Variants in RBFOX1 observed in about 807,000 individuals in gnomAD.
The protein encoded by RBFOX1 is RNA binding fox-1 homolog 1.
Under a neutral mutation model 57.7 loss-of-function variants are expected in RBFOX1, and 8 were observed. The ratio of observed to expected loss-of-function variants is 0.14; its 90% CI spans 0.08 to 0.25. RBFOX1 has a LOEUF of 0.25. Among genes scored for constraint, RBFOX1 ranks in the 10% least tolerant of loss-of-function variants. The probability of loss-of-function intolerance (pLI) is 1.00; values close to 1 mark genes in which losing one functional copy is unlikely to be tolerated. For synonymous variants in RBFOX1, 326 were observed against 222.4 expected, an observed-to-expected ratio of 1.47 and a Z score of -4.15; for missense variants, 611 against 548.5, an observed-to-expected ratio of 1.11 and a Z score of -1.14.
At chr16:6,465,898 G>GTGTGTGTA (rs1567338816) in intron 2 of RBFOX1, among the ~76,000 whole-genome samples, 1 of 152,016 alleles carries the variant, frequency 6.6e-6, no homozygotes, top group Non-Finnish European at 1.5e-5. Context: ...GTGTGTGTGT[G>GTGTGTGTA]TGTGTTCTTT....
At chr16:5,697,765 C>G (rs2050895672) in intron 3 of RBFOX1, among the ~76,000 whole-genome samples, 1 of 152,068 alleles carries the variant, frequency 6.6e-6, no homozygotes, top group Admixed American at 6.5e-5. Context: ...AACTCCTGTC[C>G]TCATGATCTG....
At chr16:6,094,862 C>G (rs2096224827) in intron 1 of RBFOX1, among the ~76,000 whole-genome samples, 1 of 152,328 alleles carries the variant, frequency 6.6e-6, no homozygotes, top group South Asian at 2.1e-4. Flanking sequence ...AAGTTTGAGA[C>G]CAGCCTGGCC....
At chr16:6,909,896 C>G (rs972270749) in intron 3 of RBFOX1, among the ~76,000 whole-genome samples, 4 of 152,118 alleles carry the variant, frequency 2.6e-5, no homozygotes, top group Non-Finnish European at 4.4e-5. Flanking sequence ...GGTTCCTTTG[C>G]TAATTCTGTT....
At chr16:7,558,701 A>T (rs149537236) in intron 5 of RBFOX1, among the ~76,000 whole-genome samples, 2 of 152,304 alleles carry the variant, frequency 1.3e-5, no homozygotes, top group African/African-American at 4.8e-5. Context: ...CAGCTACCCC[A>T]GGCTGACAAA....
intron 3 of RBFOX1, among the ~76,000 whole-genome samples, chr16:7,013,596 A>G (rs962702392): frequency 6.6e-5 from 10 of 152,218 alleles, no homozygotes; most frequent in African/African-American, 2.2e-4. Flanking sequence ...TCATTGCAAC[A>G]CAACTACTAA....
intron 2 of RBFOX1, among the ~76,000 whole-genome samples, chr16:5,582,572 T>TTTTTTG (rs369563835): frequency 2.8e-5 from 3 of 106,058 alleles, no homozygotes. Flanking sequence ...TTTTTTTTTT[T>TTTTTTG]AAACGGAGTC....
chr16:5,521,341 G>T (rs1018137754), intron 2 of RBFOX1, among the ~76,000 whole-genome samples: 1 of 110,218 alleles, frequency 9.1e-6, no homozygotes, highest in Non-Finnish European at 1.7e-5. Flanking sequence ...AGACTCAGCA[G>T]CTTTTGCTGT....
chr16:6,778,399 C>T (rs1027927828), intron 3 of RBFOX1, among the ~76,000 whole-genome samples: 5 of 152,130 alleles, frequency 3.3e-5, no homozygotes, highest in African/African-American at 4.8e-5. Context: ...GTTTTCTCCA[C>T]ATTCCTGAAT....
chr16:6,172,331 G>T (rs1037921823), intron 1 of RBFOX1, among the ~76,000 whole-genome samples: 1 of 152,166 alleles, frequency 6.6e-6, no homozygotes, highest in African/African-American at 2.4e-5. Flanking sequence ...AGAAGGGAAA[G>T]CAGGAATGAG....
chr16:6,784,030 T>A (rs1358964631), intron 3 of RBFOX1, among the ~76,000 whole-genome samples: 2 of 152,156 alleles, frequency 1.3e-5, no homozygotes, highest in African/African-American at 4.8e-5. Flanking sequence ...TTCTTTATAT[T>A]TTCTTTGCTT....
intron 4 of RBFOX1, among the ~76,000 whole-genome samples, chr16:5,913,042 G>C (rs937501490): frequency 6.6e-6 from 1 of 152,180 alleles, no homozygotes; most frequent in African/African-American, 2.4e-5. Flanking sequence ...CTCTAGCATT[G>C]CCAAGCGTGT....
chr16:5,422,161 C>T (rs189188615), intron 1 of RBFOX1, among the ~76,000 whole-genome samples: 73 of 150,688 alleles, frequency 4.8e-4, no homozygotes, highest in Non-Finnish European at 6.9e-4. Context: ...CTGAATATGG[C>T]ATTGTTTGTA....
chr16:5,991,765 A>C (rs1051986852), intron 4 of RBFOX1, among the ~76,000 whole-genome samples: 2 of 151,572 alleles, frequency 1.3e-5, no homozygotes, highest in African/African-American at 4.9e-5. Flanking sequence ...CAGCCCTGCC[A>C]ATAATCAACA....
At chr16:5,738,635 G>GGAAAAAAA (rs2052665751) in intron 3 of RBFOX1, among the ~76,000 whole-genome samples, 2 of 61,192 alleles carry the variant, frequency 3.3e-5, no homozygotes, top group African/African-American at 1.4e-4. Flanking sequence ...CTCTGTCTCA[G>GGAAAAAAA]AAAAAAAAAA....
chr16:7,603,548 A>C (rs1411640662), intron 9 of RBFOX1, among the ~76,000 whole-genome samples: 1 of 152,184 alleles, frequency 6.6e-6, no homozygotes, highest in Non-Finnish European at 1.5e-5. Context: ...AGTGACATTA[A>C]CTGGCATGTT....
At chr16:5,856,573 GTGTA>G (rs2057069224) in intron 3 of RBFOX1, among the ~76,000 whole-genome samples, 1 of 25,552 alleles carries the variant, frequency 3.9e-5, no homozygotes, top group African/African-American at 1.5e-4. Context: ...ATGTGTGTGT[GTGTA>G]TATATATATA....
rs77002333 is a variant in RBFOX1, at chr16:6,857,250, C to T, written c.-15-194807C>T. ...TCATATTACACAATATTGATAACTCCCCAATCTCTAAATAAATCGCAAACT... is the reference window on the plus strand; with the variant it reads ...TCATATTACACAATATTGATAACTCTCCAATCTCTAAATAAATCGCAAACT... On this transcript the variant is annotated intron_variant, in intron 3 of 15. Coordinates refer to ENST00000550418, the MANE Select transcript of RBFOX1 (RefSeq NM_018723.4). Among the ~76,000 whole-genome samples, 862 of 152,194 alleles carry T rather than the reference C, an allele frequency of 5.7e-3. 14 individuals are homozygous for T. The highest frequency in any genetic ancestry group is 0.02 in the African/African-American group (815 of 41,520).
intron 4 of RBFOX1, among the ~76,000 whole-genome samples, chr16:7,059,760 T>C (rs879744182): frequency 6.6e-6 from 1 of 152,212 alleles, no homozygotes; most frequent in Non-Finnish European, 1.5e-5. Context: ...TCTTCACCCG[T>C]TGCAGTGTCT....
chr16:6,783,701 T>A (rs764518619), intron 3 of RBFOX1, among the ~76,000 whole-genome samples: 2 of 152,086 alleles, frequency 1.3e-5, no homozygotes, highest in Non-Finnish European at 2.9e-5. Flanking sequence ...TATTAGAATA[T>A]TCTGTATTTA....
Sources: gnomAD v4.1 joint callset for allele counts (sites outside exome capture counted in the v4.1 genomes callset) on GRCh38, gnomAD v4.1.1 for gene constraint, MANE v1.5 for transcripts, NCBI Gene and HGNC (gene_info 2026-07-23, HGNC 2026-07-21) for gene names.